ERFL: variants seen among roughly 807,000 people sequenced by gnomAD.
The protein encoded by ERFL is ETS domain-containing transcription factor ERF-like.
Under a neutral mutation model 27.9 loss-of-function variants are expected in ERFL, and 8 were observed. The ratio of observed to expected loss-of-function variants is 0.29; its 90% CI spans 0.17 to 0.52. The LOEUF (loss-of-function observed/expected upper bound fraction) is 0.52. ERFL is among the 20% of genes least tolerant of loss of function. The pLI is 0.97. For synonymous variants in ERFL, 174 were observed against 202.8 expected (o/e 0.86, Z 1.21); for missense variants, 294 against 444.4 (o/e 0.66, Z 3.04).
intron 1 of ERFL, among the ~76,000 whole-genome samples, chr19:41,914,609 C>G (rs1431043292): frequency 2.0e-5 from 1 of 49,882 alleles, no homozygotes; most frequent in Admixed American, 1.6e-4. Context: ...TCTGTCTCTC[C>G]CTCCCCTTCC....
At chr19:41,922,808 A>G (rs1555852680) in intron 1 of ERFL, among the ~76,000 whole-genome samples, 3 of 152,224 alleles carry the variant, frequency 2.0e-5, no homozygotes, top group South Asian at 2.1e-4. Flanking sequence ...GGATGAGAGC[A>G]ATAAATTATT....
chr19:41,909,189 G>A lies in ERFL; in HGVS notation c.499-12C>T. ...AGGGTTTGCAGGGTCTAGAGAGGGA[G>A]TGGGAGAAGCCGCCCTTCTCAGACT... On this transcript the variant is annotated splice_polypyrimidine_tract_variant and intron_variant, in intron 4 of 5. Coordinates refer to ENST00000597630, the MANE Select transcript of ERFL (RefSeq NM_001365103.2). The surrounding 1 kb of genome is among the most constrained non-coding windows in gnomAD (Gnocchi z 5.2). 8.1e-7 allele frequency: 1 copy of A among 1,231,716 alleles called. No homozygotes were observed. The highest frequency in any genetic ancestry group is 1.0e-6 in the Non-Finnish European group (1 of 987,950). 76.3% of individuals were successfully genotyped at this position (1,231,716 alleles called of 1,614,324 possible).
Position 41,908,448 on chromosome 19 carries a change from CCT to C in ERFL, c.843_844del (p.Glu283GlyfsTer49). The C allele has an allele frequency of 3.2e-6, 4 of 1,231,356 alleles. No homozygotes were observed. The highest frequency in any genetic ancestry group is 4.0e-6 in the Non-Finnish European group (4 of 987,732). 76.3% of individuals were successfully genotyped at this position (1,231,356 alleles called of 1,614,324 possible). On this transcript the variant is annotated frameshift_variant, in exon 6 of 6. Coordinates refer to ENST00000597630, the MANE Select transcript of ERFL (RefSeq NM_001365103.2). LOFTEE classifies it high-confidence loss of function. This position sits in a 1 kb window ranked among gnomAD's most constrained non-coding sequence, Gnocchi z 6.7. The stretch of plus-strand genomic sequence containing the variant: ...GGGGCGCTCGGGGCCCAGGCCCTCC[CCT>C]GTCGAGGCCAGCAGGGGCGTGGCTG...
chr19:41,915,205 G>A lies in ERFL; in HGVS notation c.-13-2273C>T, dbSNP rs1160709128. Among the ~76,000 whole-genome samples the A allele has an allele frequency of 4.6e-5, 5 of 108,624 alleles. No individual in the cohort carries two copies. In the East Asian group the frequency reaches 9.3e-4, roughly 20 times the overall value. 71.3% of individuals were successfully genotyped at this position (108,624 alleles called of 152,430 possible). A position where few individuals can be genotyped will look rare whatever the true frequency, so the allele number is the denominator to read the frequency against. ...CTCTTCCCGACGCTTTCAACTCCCC[G>A]CCGCCTCCTCCGGACACGTTATAAC... On this transcript the variant is annotated intron_variant, in intron 1 of 5. Transcript: ENST00000597630.
chr19:41,914,160 C>T lies in ERFL; in HGVS notation c.-13-1228G>A, dbSNP rs577814983. On this transcript the variant is annotated intron_variant, in intron 1 of 5. Coordinates refer to ENST00000597630, the MANE Select transcript of ERFL (RefSeq NM_001365103.2). The stretch of plus-strand genomic sequence containing the variant: ...GGTCTCCCCACAGAGGCCCCAACCT[C>T]AGATGCCCCCACCTCCCATCTGCCT... Among the ~76,000 whole-genome samples the T allele has an allele frequency of 2.7e-5, 4 of 150,942 alleles. No individual in the cohort carries two copies. In the South Asian group the frequency reaches 8.5e-4, roughly 32 times the overall value.
At chr19:41,927,042 T>G (rs1555853330) in intron 1 of ERFL, among the ~76,000 whole-genome samples, 1 of 151,226 alleles carries the variant, frequency 6.6e-6, no homozygotes, top group African/African-American at 2.4e-5. Context: ...CACAGAGATT[T>G]AGAGAGAGAT....
At position 41,919,645 on chromosome 19, in the gene ERFL, C is replaced by T. The variant is rs146421702; in HGVS notation, c.-13-6713G>A. Among the ~76,000 whole-genome samples, 1,141 of 152,278 alleles carry T rather than the reference C, an allele frequency of 7.5e-3. 64 individuals carry two copies. The highest frequency in any genetic ancestry group is 0.069 in the Admixed American group (1,058 of 15,288). ...ACAAACACACAGCTGGTCTGTGACA[C>T]ACAAGATTTTGGGGGCTCTTCCTCA... On this transcript the variant is annotated intron_variant, in intron 1 of 5. Coordinates refer to ENST00000597630, the MANE Select transcript of ERFL (RefSeq NM_001365103.2).
rs574000479 is a variant in ERFL, at chr19:41,908,547, G to C, written c.746C>G (p.Pro249Arg). Residue 249 changes from proline to arginine, a missense_variant, in exon 6 of 6, where the codon CCG becomes CGG. By Grantham distance (103) the Pro-to-Arg change is moderately radical. This residue lies in a region of ERFL where 246 missense variants were observed against 371.4 expected (regional missense o/e 0.66). Coordinates refer to ENST00000597630, the MANE Select transcript of ERFL (RefSeq NM_001365103.2). This position sits in a 1 kb window ranked among gnomAD's most constrained non-coding sequence, Gnocchi z 6.7. ...GGCCAGAGGGTTGGGGTAGAAATGCGGGGGGTAGAGAGAGGGAGGCAGCTT... is the reference window on the plus strand; with the variant it reads ...GGCCAGAGGGTTGGGGTAGAAATGCCGGGGGTAGAGAGAGGGAGGCAGCTT... ...FPKLPPSLYPPHFYPNPLASS... is the reference protein window; with the variant it reads ...FPKLPPSLYPRHFYPNPLASS... The C allele has an allele frequency of 8.1e-7, 1 of 1,231,734 alleles. No individual in the cohort carries two copies. The allele number at this position is 1,231,734 out of a possible 1,614,324, so 76.3% of individuals were successfully genotyped here.
rs1288072104 is a variant in ERFL at position 41,925,946 on chromosome 19, A to C, written c.-14+2094T>G. Among the ~76,000 whole-genome samples, 3 of 151,936 alleles carry C rather than the reference A, an allele frequency of 2.0e-5. No individual in the cohort carries two copies. In the East Asian group the frequency reaches 5.8e-4, roughly 29 times the overall value. On this transcript the variant is annotated intron_variant, in intron 1 of 5. Transcript: ENST00000597630. ...CTGAGGGGACAGGTTAGCAGGTTGCATGTGTGAGTGCTTGTGTGCAACAGA... is the reference window on the plus strand; with the variant it reads ...CTGAGGGGACAGGTTAGCAGGTTGCCTGTGTGAGTGCTTGTGTGCAACAGA...
rs939888648 is a variant in ERFL at position 41,917,915 on chromosome 19, G to T, written c.-13-4983C>A. ...TGGGTGCACGAAGCCAGCTCCCCGCGGTCACACACTGTGTGTGTGTGTGCT... is the reference window on the plus strand; with the variant it reads ...TGGGTGCACGAAGCCAGCTCCCCGCTGTCACACACTGTGTGTGTGTGTGCT... On this transcript the variant is annotated intron_variant, in intron 1 of 5. Transcript: ENST00000597630. This position sits in a 1 kb window ranked among gnomAD's most constrained non-coding sequence, Gnocchi z 4.8. 6.6e-6 allele frequency among the ~76,000 whole-genome samples: 1 copy of T among 151,864 alleles called. No homozygotes were observed. The highest frequency in any genetic ancestry group is 2.1e-4 in the South Asian group (1 of 4,828).
chr19:41,912,509 TCC>T (rs1366768636), intron 2 of ERFL, among the ~76,000 whole-genome samples: 1 of 152,166 alleles, frequency 6.6e-6, no homozygotes, highest in Non-Finnish European at 1.5e-5. Flanking sequence ...TCCAGCCCAG[TCC>T]CTGCTCTCTT....
rs1401950877 is a variant in ERFL at position 41,914,622 on chromosome 19, CATCTCT to C, written c.-13-1696_-13-1691del. 5.0e-3 allele frequency among the ~76,000 whole-genome samples: 204 copies of C among 40,404 alleles called. 25 individuals carry two copies. The highest frequency in any genetic ancestry group is 0.013 in the Middle Eastern group (1 of 78). 26.5% of individuals were successfully genotyped at this position (40,404 alleles called of 152,430 possible). A position where few individuals can be genotyped will look rare whatever the true frequency, so the allele number is the denominator to read the frequency against. Reference sequence around the variant, plus strand: ...TCTCTGTCTCTCCCTCCCCTTCCACCATCTCTGTCTCTGTCTCTCCCTCCCTTTCCA... The same window carrying C: ...TCTCTGTCTCTCCCTCCCCTTCCACCGTCTCTGTCTCTCCCTCCCTTTCCA... On this transcript the variant is annotated intron_variant, in intron 1 of 5. Coordinates refer to ENST00000597630, the MANE Select transcript of ERFL (RefSeq NM_001365103.2).
chr19:41,911,767 C>A (rs2074753098), intron 2 of ERFL, among the ~76,000 whole-genome samples: 1 of 152,122 alleles, frequency 6.6e-6, no homozygotes, highest in Non-Finnish European at 1.5e-5. Context: ...CAAGAGGACA[C>A]CCAACCCGAT....
chr19:41,912,575 C>T (rs1254250471), intron 2 of ERFL, among the ~76,000 whole-genome samples: 2 of 152,216 alleles, frequency 1.3e-5, no homozygotes, highest in Non-Finnish European at 2.9e-5. Flanking sequence ...CAGGGATGCC[C>T]GGGCCTCGGG....
intron 2 of ERFL, 36 bp downstream of exon 2, chr19:41,912,817 G>A: frequency 1.2e-6 from 1 of 837,970 alleles, no homozygotes; most frequent in African/African-American, 1.8e-5. Flanking sequence ...AGCCTGAGGG[G>A]TGGGGGAAGG....
In ERFL at chr19:41,916,480, TACAC is replaced by T. The variant is rs782257526; in HGVS notation, c.-13-3552_-13-3549del. ...AAACAGACACACAGTTTTACACAAA[TACAC>T]ACATGACACATCAATTCAATCTCAC... On this transcript the variant is annotated intron_variant, in intron 1 of 5. Transcript: ENST00000597630. The surrounding 1 kb of genome is among the most constrained non-coding windows in gnomAD (Gnocchi z 5.4). Among the ~76,000 whole-genome samples, 24 of 151,156 alleles carry T rather than the reference TACAC, an allele frequency of 1.6e-4. 1 individual carries two copies. Among genetic ancestry groups the T allele is most frequent in the Non-Finnish European group, 2.5e-4 (17 of 67,812 alleles).
intron 1 of ERFL, among the ~76,000 whole-genome samples, chr19:41,914,966 C>CTG (rs141566156): frequency 0.17 from 14,183 of 82,508 alleles, 3,677 homozygotes; most frequent in African/African-American, 0.68. Flanking sequence ...ATCTCTGTCT[C>CTG]TCCCTCCCTC....
At chr19:41,925,527 G>A (rs546182574) in intron 1 of ERFL, among the ~76,000 whole-genome samples, 17 of 152,278 alleles carry the variant, frequency 1.1e-4, no homozygotes, top group Admixed American at 2.6e-4. Context: ...GTGAGCAAGT[G>A]TACAAGGGAC....
intron 1 of ERFL, among the ~76,000 whole-genome samples, chr19:41,914,803 C>G (rs1351514275): frequency 2.5e-4 from 8 of 32,112 alleles, no homozygotes; most frequent in South Asian, 1.2e-3. Flanking sequence ...CTCTGTCTCT[C>G]CCTCCCCCTC....
Sources: allele counts gnomAD v4.1 joint callset (sites outside exome capture counted in the v4.1 genomes callset), GRCh38; gene constraint gnomAD v4.1.1; regional missense constraint gnomAD v4.1.1; non-coding constraint Gnocchi (gnomAD v3.1); transcripts MANE v1.5; gene names NCBI Gene and HGNC (gene_info 2026-07-23, HGNC 2026-07-21).